MAML2: variants seen among roughly 807,000 people sequenced by gnomAD.
MAML2 encodes mastermind like transcriptional coactivator 2.
A neutral mutation model predicts 96.1 loss-of-function variants in MAML2; 22 were observed. That is an observed-to-expected ratio of 0.23 (90% CI 0.16 to 0.33). The LOEUF (loss-of-function observed/expected upper bound fraction) is 0.33, where lower values mean the gene tolerates loss of function less well. MAML2 is among the 10% of genes least tolerant of loss of function. MAML2 has a pLI of 1.00. For synonymous variants in MAML2, 561 were observed against 521.3 expected, an observed-to-expected ratio of 1.08 and a Z score of -1.04; for missense variants, 1,367 against 1,392.4, an observed-to-expected ratio of 0.98 and a Z score of 0.29.
chr11:96,196,341 G>A (rs1021310562), intron 1 of MAML2, among the ~76,000 whole-genome samples: 1 of 152,160 alleles, frequency 6.6e-6, no homozygotes, highest in South Asian at 2.1e-4. Context: ...ACAAGGACTC[G>A]GCTTAAAAAA....
intron 2 of MAML2, among the ~76,000 whole-genome samples, chr11:96,022,397 TAA>T (rs1457527797): frequency 1.2e-4 from 19 of 152,158 alleles, no homozygotes; most frequent in Non-Finnish European, 1.5e-5. Flanking sequence ...TCCAGAGACA[TAA>T]CAGATGGGAT....
intron 2 of MAML2, among the ~76,000 whole-genome samples, chr11:96,071,430 T>TGTA (rs1358552419): frequency 1.2e-4 from 18 of 152,218 alleles, no homozygotes; most frequent in African/African-American, 4.3e-4. Context: ...CATGGAGACG[T>TGTA]GTAGCTCCAG....
At chr11:96,134,114 T>C (rs2135858863) in intron 1 of MAML2, among the ~76,000 whole-genome samples, 1 of 152,372 alleles carries the variant, frequency 6.6e-6, no homozygotes, top group Admixed American at 6.5e-5. Flanking sequence ...GTCTTTGTAA[T>C]GGTTCTCTAA....
intron 1 of MAML2, among the ~76,000 whole-genome samples, chr11:96,308,521 C>T (rs1863496966): frequency 6.6e-6 from 1 of 152,170 alleles, no homozygotes; most frequent in Non-Finnish European, 1.5e-5. Context: ...CCAATCATTT[C>T]CCATACCCAA....
intron 4 of MAML2, among the ~76,000 whole-genome samples, chr11:95,983,397 T>C (rs1314389056): frequency 6.6e-6 from 1 of 151,956 alleles, no homozygotes; most frequent in South Asian, 2.1e-4. Context: ...TTTCTAGAGG[T>C]GGGGAGGATG....
rs188303515 is a variant in MAML2 at position 96,081,204 on chromosome 11, G to A, written c.2139+10688C>T. ...TGAAAACTATTGAAATACATCTTCCGAAAACATTATACCTATAACCACATT... is the reference window on the plus strand; with the variant it reads ...TGAAAACTATTGAAATACATCTTCCAAAAACATTATACCTATAACCACATT... On this transcript the variant is annotated intron_variant, in intron 2 of 4. Coordinates refer to ENST00000524717, the MANE Select transcript of MAML2 (RefSeq NM_032427.4). Among the ~76,000 whole-genome samples, 697 of 152,108 alleles carry A rather than the reference G, an allele frequency of 4.6e-3. 1 individual carries two copies. Among genetic ancestry groups the A allele is most frequent in the Non-Finnish European group, 8.6e-3 (587 of 68,012 alleles).
chr11:96,204,732 G>T (rs1861872831), intron 1 of MAML2, among the ~76,000 whole-genome samples: 1 of 152,198 alleles, frequency 6.6e-6, no homozygotes, highest in Non-Finnish European at 1.5e-5. Context: ...ATCTGCTTAA[G>T]TTCATACAGC....
At chr11:96,206,274 T>C (rs1161928657) in intron 1 of MAML2, among the ~76,000 whole-genome samples, 1 of 152,220 alleles carries the variant, frequency 6.6e-6, no homozygotes, top group Non-Finnish European at 1.5e-5. Context: ...ACAATTCTGC[T>C]GAAAAGTGTT....
chr11:96,093,574 T>A, intron 1 of MAML2, 57 bp from the exon 2 acceptor site: 1 of 1,226,456 alleles, frequency 8.2e-7, no homozygotes, highest in Non-Finnish European at 1.1e-6. Context: ...CAATGATGCT[T>A]CTCATAAAAA....
At chr11:96,120,263 AT>A (rs1315737066) in intron 1 of MAML2, among the ~76,000 whole-genome samples, 1 of 152,124 alleles carries the variant, frequency 6.6e-6, no homozygotes, top group Non-Finnish European at 1.5e-5. Context: ...GGCCAAGAAG[AT>A]TCAGATTCTT....
At chr11:96,320,814 G>A (rs1056472352) in intron 1 of MAML2, among the ~76,000 whole-genome samples, 3 of 152,186 alleles carry the variant, frequency 2.0e-5, no homozygotes, top group African/African-American at 7.2e-5. Flanking sequence ...GGAGAGAAAT[G>A]GAAAAACCAG....
At chr11:96,072,785 C>T (rs772546638) in intron 2 of MAML2, among the ~76,000 whole-genome samples, 23 of 152,250 alleles carry the variant, frequency 1.5e-4, no homozygotes, top group Middle Eastern at 3.4e-3. Context: ...AAAGCAATGA[C>T]GCCAAAGCCG....
intron 1 of MAML2, among the ~76,000 whole-genome samples, chr11:96,219,408 T>C (rs936376474): frequency 6.6e-6 from 1 of 152,220 alleles, no homozygotes; most frequent in Non-Finnish European, 1.5e-5. Flanking sequence ...CTCCAGCATT[T>C]ATCGTTTATA....
chr11:96,034,370 A>C (rs546904803), intron 2 of MAML2, among the ~76,000 whole-genome samples: 1 of 151,940 alleles, frequency 6.6e-6, no homozygotes, highest in South Asian at 2.1e-4. Flanking sequence ...CTAAAACAGC[A>C]CAGTCAGCCA....
intron 1 of MAML2, among the ~76,000 whole-genome samples, chr11:96,200,948 T>G (rs191336218): frequency 3.1e-4 from 47 of 152,262 alleles, no homozygotes; most frequent in African/African-American, 1.1e-3. Flanking sequence ...AAGCTTTATT[T>G]CTGAATTTCT....
At chr11:96,245,658 C>T (rs1386412225) in intron 1 of MAML2, among the ~76,000 whole-genome samples, 1 of 151,688 alleles carries the variant, frequency 6.6e-6, no homozygotes, top group East Asian at 1.9e-4. Context: ...GAAATTGTGC[C>T]CTAACTCAAG....
chr11:95,991,308 C>T (rs911420069), intron 3 of MAML2, among the ~76,000 whole-genome samples: 1 of 150,830 alleles, frequency 6.6e-6, no homozygotes, highest in Non-Finnish European at 1.5e-5. Context: ...AGCAGAGGTG[C>T]CATGCATTCC....
rs58205345 is a variant in MAML2, at chr11:96,164,036, G to GTT, written c.514-70521_514-70520dup. On this transcript the variant is annotated intron_variant, in intron 1 of 4. Transcript: ENST00000524717. ...CATCCACGCCTGGCTATTTTTTTTT[G>GTT]TTTTTTTTTGGTATTTTTAGTAAAG... Among the ~76,000 whole-genome samples, 117 of 148,376 alleles carry GTT rather than the reference G, an allele frequency of 7.9e-4. 1 individual carries two copies. The highest frequency in any genetic ancestry group is 3.4e-3 in the Middle Eastern group (1 of 292).
At chr11:96,331,360 CCTAA>C (rs1217391703) in intron 1 of MAML2, among the ~76,000 whole-genome samples, 4 of 152,128 alleles carry the variant, frequency 2.6e-5, no homozygotes, top group Non-Finnish European at 4.4e-5. Flanking sequence ...CCAAATTTCC[CCTAA>C]CTGTTCTTTT....
Sources: allele counts gnomAD v4.1 joint callset (sites outside exome capture counted in the v4.1 genomes callset), GRCh38; gene constraint gnomAD v4.1.1; transcripts MANE v1.5; gene names NCBI Gene and HGNC (gene_info 2026-07-23, HGNC 2026-07-21).